VPS54: variants seen among roughly 807,000 people sequenced by gnomAD.
The protein encoded by VPS54 is vacuolar protein sorting-associated protein 54.
Under a neutral mutation model 121.5 loss-of-function variants are expected in VPS54, and 45 were observed. The observed-to-expected ratio is 0.37, with a 90% CI of 0.29 to 0.47. The LOEUF (loss-of-function observed/expected upper bound fraction) is 0.47, where lower values mean the gene tolerates loss of function less well. Among genes scored for constraint, VPS54 ranks in the 20% least tolerant of loss-of-function variants. VPS54 has a pLI of 0.99. For missense variants in VPS54, 1,090 were observed against 1,131.4 expected (o/e 0.96, Z 0.52); for synonymous variants, 371 against 385.8 (o/e 0.96, Z 0.45).
At position 63,981,701 on chromosome 2, in the gene VPS54, T is replaced by C. The variant is rs745726677; in HGVS notation, c.323A>G (p.Tyr108Cys). 5 of 1,613,012 alleles carry C rather than the reference T, an allele frequency of 3.1e-6. No homozygotes were observed. The highest frequency in any genetic ancestry group is 4.2e-6 in the Non-Finnish European group (5 of 1,179,444). The change falls in exon 3 of 23, where the codon TAC (tyrosine) becomes TGC (cysteine). Residue 108 changes from tyrosine to cysteine, a missense_variant. Physicochemically the swap from Tyr to Cys is radical, Grantham distance 194. Coordinates refer to ENST00000272322, the MANE Select transcript of VPS54 (RefSeq NM_016516.3). ...FVDTEVIPSF[Y>C]LPQISKEHFT... The stretch of plus-strand genomic sequence containing the variant: ...ATGTTCCTTGCTGATCTGTGGGAGG[T>C]AGAATGAAGGTATGACTTCAGTGTC...
At chr2:63,923,511 G>T (rs537640583) in intron 12 of VPS54, among the ~76,000 whole-genome samples, 1 of 152,118 alleles carries the variant, frequency 6.6e-6, no homozygotes, top group South Asian at 2.1e-4. Context: ...AGACGTGGAA[G>T]CAACCCAAGT....
intron 5 of VPS54, among the ~76,000 whole-genome samples, chr2:63,967,975 A>C (rs943577755): frequency 2.0e-5 from 3 of 151,898 alleles, no homozygotes; most frequent in Non-Finnish European, 4.4e-5. Flanking sequence ...CAGAGCCATC[A>C]AAAAAAAGTT....
At chr2:63,934,824 T>C (rs1468510029) in intron 11 of VPS54, among the ~76,000 whole-genome samples, 1 of 152,164 alleles carries the variant, frequency 6.6e-6, no homozygotes, top group Non-Finnish European at 1.5e-5. Flanking sequence ...GCTCAGTAAA[T>C]ATTGAAAGCT....
intron 1 of VPS54, among the ~76,000 whole-genome samples, chr2:64,008,803 CA>C (rs1478820864): frequency 7.0e-6 from 1 of 143,168 alleles, no homozygotes; most frequent in South Asian, 2.1e-4. Context: ...AATGGAAAGA[CA>C]AGAAGAATTG....
intron 1 of VPS54, among the ~76,000 whole-genome samples, chr2:64,010,030 C>T (rs926820688): frequency 3.3e-5 from 5 of 151,916 alleles, no homozygotes; most frequent in Admixed American, 1.3e-4. Flanking sequence ...TCAGTAGAGA[C>T]GAAGTTTCAC....
intron 1 of VPS54, among the ~76,000 whole-genome samples, chr2:63,996,429 G>A (rs548715330): frequency 2.8e-4 from 43 of 152,130 alleles, no homozygotes; most frequent in Non-Finnish European, 4.7e-4. Flanking sequence ...TGATGATTGC[G>A]TTAACTGCAC....
chr2:64,018,185 CCAAA>C (rs1678798516), intron 1 of VPS54, among the ~76,000 whole-genome samples: 1 of 152,074 alleles, frequency 6.6e-6, no homozygotes, highest in South Asian at 2.1e-4. Context: ...CAAAAACAGT[CCAAA>C]CAATTTAATT....
At chr2:63,988,737 T>C (rs1021682895) in intron 1 of VPS54, among the ~76,000 whole-genome samples, 1 of 152,170 alleles carries the variant, frequency 6.6e-6, no homozygotes, top group African/African-American at 2.4e-5. Context: ...CCTGTGATGA[T>C]TGCGTTAACT....
rs2302806 is a variant in VPS54 at position 63,899,338 on chromosome 2, A to G, written c.2733+136T>C. The G allele has an allele frequency of 2.3e-4, 166 of 709,446 alleles. No homozygotes were observed. The East Asian group carries it at 4.1e-3, about 17-fold the overall frequency. 43.9% of individuals were successfully genotyped at this position (709,446 alleles called of 1,614,324 possible). Reference sequence around the variant, plus strand: ...ATTTTTATCCATGTTCTACCAGTCAATATAACAATGTAAAAAAATGATAAT... The same window carrying G: ...ATTTTTATCCATGTTCTACCAGTCAGTATAACAATGTAAAAAAATGATAAT... On this transcript the variant is annotated intron_variant, in intron 21 of 22. Transcript: ENST00000272322.
chr2:63,991,053 T>A (rs1393435680), intron 1 of VPS54, among the ~76,000 whole-genome samples: 1 of 152,170 alleles, frequency 6.6e-6, no homozygotes, highest in Non-Finnish European at 1.5e-5. Flanking sequence ...CTAATAGTAT[T>A]CTAATTACTC....
chr2:63,960,080 C>T (rs1675685724), intron 7 of VPS54, among the ~76,000 whole-genome samples: 1 of 151,132 alleles, frequency 6.6e-6, no homozygotes, highest in Non-Finnish European at 1.5e-5. Context: ...GTTTTTAATC[C>T]CATCTACTCA....
At chr2:63,967,811 T>C (rs544424165) in intron 5 of VPS54, among the ~76,000 whole-genome samples, 4 of 151,440 alleles carry the variant, frequency 2.6e-5, no homozygotes, top group East Asian at 3.9e-4. Context: ...TAAAATGTTA[T>C]GGGAATTTGG....
intron 1 of VPS54, among the ~76,000 whole-genome samples, chr2:63,988,418 T>C (rs543504139): frequency 6.4e-4 from 97 of 152,294 alleles, no homozygotes; most frequent in Non-Finnish European, 1.2e-3. Flanking sequence ...TTATTGAAGA[T>C]TTTTTGCATC....
At chr2:64,008,148 C>G (rs910708222) in intron 1 of VPS54, among the ~76,000 whole-genome samples, 1 of 152,226 alleles carries the variant, frequency 6.6e-6, no homozygotes, top group Non-Finnish European at 1.5e-5. Context: ...CGCAGTGGCT[C>G]ATGTCTGTAA....
chr2:63,999,019 T>C (rs1292618543), intron 1 of VPS54, among the ~76,000 whole-genome samples: 1 of 152,200 alleles, frequency 6.6e-6, no homozygotes, highest in East Asian at 1.9e-4. Context: ...CCATCTTGGC[T>C]CACTGCAACC....
intron 2 of VPS54, among the ~76,000 whole-genome samples, chr2:63,983,239 C>G (rs1371842577): frequency 1.3e-5 from 2 of 150,848 alleles, no homozygotes; most frequent in Non-Finnish European, 2.9e-5. Flanking sequence ...TCAAGTGATT[C>G]TCCTGCCTCA....
chr2:63,998,063 T>A (rs1677685530), intron 1 of VPS54, among the ~76,000 whole-genome samples: 1 of 152,146 alleles, frequency 6.6e-6, no homozygotes, highest in African/African-American at 2.4e-5. Flanking sequence ...TTATTTGAAT[T>A]GTCTTCTTTA....
intron 7 of VPS54, among the ~76,000 whole-genome samples, chr2:63,959,805 G>C (rs1222945766): frequency 2.0e-5 from 3 of 152,068 alleles, no homozygotes; most frequent in Non-Finnish European, 1.5e-5. Flanking sequence ...CAGATCACCG[G>C]AGGTCAGGAG....
chr2:64,007,464 T>C (rs1477212602), intron 1 of VPS54, among the ~76,000 whole-genome samples: 1 of 152,198 alleles, frequency 6.6e-6, no homozygotes, highest in East Asian at 1.9e-4. Context: ...CATATATAAA[T>C]CCTTTCTACA....
Sources: gnomAD v4.1 joint callset for allele counts (sites outside exome capture counted in the v4.1 genomes callset) on GRCh38, gnomAD v4.1.1 for gene constraint, MANE v1.5 for transcripts, NCBI Gene and HGNC (gene_info 2026-07-23, HGNC 2026-07-21) for gene names.